The following PLXNA4 variants were observed in gnomAD, a reference collection of about 807,000 sequenced individuals.
The protein encoded by PLXNA4 is plexin-A4.
A neutral mutation model predicts 191.8 loss-of-function variants in PLXNA4; 44 were observed. That is an observed-to-expected ratio of 0.23 (90% confidence interval 0.18 to 0.29). The LOEUF (loss-of-function observed/expected upper bound fraction) is 0.29. Among genes scored for constraint, PLXNA4 ranks in the 10% least tolerant of loss-of-function variants. The pLI is 1.00. For synonymous variants in PLXNA4, 1,082 were observed against 1,009.5 expected (o/e 1.07, Z -1.36); for missense variants, 1,800 against 2,488.8 (o/e 0.72, Z 5.89).
intron 2 of PLXNA4, among the ~76,000 whole-genome samples, chr7:132,590,626 T>C (rs1464127679): frequency 1.3e-5 from 2 of 152,110 alleles, no homozygotes; most frequent in Non-Finnish European, 2.9e-5. Context: ...GCCAGTCTGG[T>C]CTTTCCACGT....
intron 2 of PLXNA4, among the ~76,000 whole-genome samples, chr7:132,643,215 A>G (rs990014840): frequency 6.6e-6 from 1 of 152,178 alleles, no homozygotes; most frequent in African/African-American, 2.4e-5. Context: ...ATGTTCCTTC[A>G]GCTTCCTGCA....
In PLXNA4 at chr7:132,507,897, G is replaced by A; in HGVS notation, c.797C>T (p.Pro266Leu). 1 of 1,614,126 alleles carries A rather than the reference G, an allele frequency of 6.2e-7. No individual in the cohort carries two copies. Among genetic ancestry groups the A allele is most frequent in the South Asian group, 1.1e-5 (1 of 91,088 alleles). The change falls in exon 2 of 32, where the codon CCA becomes CTA. Residue 266 changes from proline (P) to leucine (L), a missense_variant. Coordinates refer to ENST00000321063, the MANE Select transcript of PLXNA4 (RefSeq NM_020911.2). ...CTGCTCCTTGGTGGTGGAGCCTGGT[G>A]GAGACACCATCTCAGGTTGGAGGGT... ...FLTLQPEMVS[P>L]PGSTTKEQVY... is the part of the protein sequence containing the mutation.
intron 8 of PLXNA4, 124 bp downstream of exon 8, chr7:132,226,037 A>G (rs932222090): frequency 7.4e-5 from 59 of 801,428 alleles, no homozygotes; most frequent in Non-Finnish European, 1.1e-4. Context: ...GAGGAGAGGG[A>G]GTGAAGGAGG....
rs150706239 is a variant in PLXNA4, at chr7:132,272,981, GC to G, written c.1503+25109del. Reference sequence around the variant, plus strand: ...ATGTCAGCTTTCAATAATCATGAATGCTTTGAAGGGCAGGCTGTGTTTTATT... The same window carrying G: ...ATGTCAGCTTTCAATAATCATGAATGTTTGAAGGGCAGGCTGTGTTTTATT... On this transcript the variant is annotated intron_variant, in intron 4 of 31. Transcript: ENST00000321063. Among the ~76,000 whole-genome samples the G allele has an allele frequency of 8.7e-3, 1,330 of 152,264 alleles. 10 individuals carry two copies. The highest frequency in any genetic ancestry group is 0.013 in the Non-Finnish European group (914 of 68,014).
At chr7:132,220,883 G>T (rs1253366884) in intron 9 of PLXNA4, among the ~76,000 whole-genome samples, 1 of 148,664 alleles carries the variant, frequency 6.7e-6, no homozygotes, top group Non-Finnish European at 1.5e-5. Flanking sequence ...CTTGCTCATG[G>T]CTCACTGCAG....
At chr7:132,133,716 G>A (rs1795034867) in intron 30 of PLXNA4, among the ~76,000 whole-genome samples, 1 of 152,188 alleles carries the variant, frequency 6.6e-6, no homozygotes. Context: ...GTCACTTGCA[G>A]CTGTGCACTG....
intron 2 of PLXNA4, among the ~76,000 whole-genome samples, chr7:132,593,627 C>G (rs958171105): frequency 1.3e-5 from 2 of 152,196 alleles, no homozygotes; most frequent in East Asian, 3.9e-4. Context: ...AATGTGGCCT[C>G]CACGTCGTGC....
chr7:132,510,615 G>A (rs1194711941), intron 1 of PLXNA4, among the ~76,000 whole-genome samples: 1 of 152,226 alleles, frequency 6.6e-6, no homozygotes, highest in African/African-American at 2.4e-5. Flanking sequence ...GCATACAAGA[G>A]AGTGCTTTGA....
intron 9 of PLXNA4, among the ~76,000 whole-genome samples, chr7:132,214,281 C>T (rs902435278): frequency 3.7e-4 from 56 of 152,136 alleles, no homozygotes; most frequent in Non-Finnish European, 6.8e-4. Flanking sequence ...TCCCACGTCC[C>T]CTGTAAGATT....
At chr7:132,493,751 A>ATGGG (rs1491289792) in intron 2 of PLXNA4, among the ~76,000 whole-genome samples, 1,515 of 7,502 alleles carry the variant, frequency 0.2, 12 homozygotes, top group Non-Finnish European at 0.32. Context: ...GGATGGGTGG[A>ATGGG]TGGATGGATG....
At chr7:132,494,243 C>T (rs950215639) in intron 2 of PLXNA4, among the ~76,000 whole-genome samples, 2 of 152,192 alleles carry the variant, frequency 1.3e-5, no homozygotes, top group African/African-American at 2.4e-5. Context: ...GACATTTGGT[C>T]ACAAAGCTGA....
chr7:132,602,825 C>T (rs1285206266), intron 2 of PLXNA4, among the ~76,000 whole-genome samples: 1 of 152,156 alleles, frequency 6.6e-6, no homozygotes, highest in Non-Finnish European at 1.5e-5. Flanking sequence ...ATTGTCTCAC[C>T]TTTCAATGGA....
Position 132,136,992 on chromosome 7 carries a change from C to A in PLXNA4, c.5438+3607G>T, listed in dbSNP as rs1795132006. Among the ~76,000 whole-genome samples, 3 of 152,224 alleles carry A rather than the reference C, an allele frequency of 2.0e-5. No individual in the cohort carries two copies. The South Asian group carries it at 6.2e-4, about 32-fold the overall frequency. Reference sequence around the variant, plus strand: ...GGCCTGCTGAGCATCTGTGTGGCCTCCCTGACCACAGGAGCTGCAAAGAAA... The same window carrying A: ...GGCCTGCTGAGCATCTGTGTGGCCTACCTGACCACAGGAGCTGCAAAGAAA... On this transcript the variant is annotated intron_variant, in intron 30 of 31. Coordinates refer to ENST00000321063, the MANE Select transcript of PLXNA4 (RefSeq NM_020911.2).
intron 3 of PLXNA4, among the ~76,000 whole-genome samples, chr7:132,337,886 G>A (rs1802880002): frequency 6.6e-6 from 1 of 152,180 alleles, no homozygotes; most frequent in Admixed American, 6.5e-5. Flanking sequence ...ACAGACTAAT[G>A]GGATTTGCCT....
chr7:132,497,473 G>A (rs755346080), intron 2 of PLXNA4, among the ~76,000 whole-genome samples: 12 of 152,196 alleles, frequency 7.9e-5, no homozygotes, highest in Non-Finnish European at 1.6e-4. Flanking sequence ...CAGGGAGGTA[G>A]AAATATCTCT....
chr7:132,494,563 T>C (rs946406316), intron 2 of PLXNA4, among the ~76,000 whole-genome samples: 37 of 152,030 alleles, frequency 2.4e-4, no homozygotes, highest in African/African-American at 8.7e-4. Context: ...CACAGCAGCC[T>C]CCCCAGGGGC....
At chr7:132,497,729 CT>C (rs910354685) in intron 2 of PLXNA4, among the ~76,000 whole-genome samples, 4 of 152,176 alleles carry the variant, frequency 2.6e-5, no homozygotes, top group African/African-American at 9.7e-5. Context: ...AGATTGAAGT[CT>C]CTTGAAAGCA....
intron 10 of PLXNA4, among the ~76,000 whole-genome samples, chr7:132,207,846 C>T (rs1310002533): frequency 6.6e-6 from 1 of 152,184 alleles, no homozygotes; most frequent in African/African-American, 2.4e-5. Context: ...CCAGGAATAA[C>T]ACCAAAGCTG....
chr7:132,197,569 A>G (rs1046710953), intron 13 of PLXNA4, among the ~76,000 whole-genome samples: 2 of 152,192 alleles, frequency 1.3e-5, no homozygotes, highest in African/African-American at 4.8e-5. Context: ...AGAGCCATAG[A>G]AAGATCTTTT....
Sources: allele counts gnomAD v4.1 joint callset (sites outside exome capture counted in the v4.1 genomes callset), GRCh38; gene constraint gnomAD v4.1.1; transcripts MANE v1.5; gene names NCBI Gene and HGNC (gene_info 2026-07-23, HGNC 2026-07-21).